ARPC2: variants seen among roughly 807,000 people sequenced by gnomAD.
ARPC2 encodes the protein actin related protein 2/3 complex subunit 2, also known as actin-related protein 2/3 complex subunit 2.
A neutral mutation model predicts 38.6 loss-of-function variants in ARPC2; 4 were observed. The ratio of observed to expected loss-of-function variants is 0.10; its 90% CI spans 0.05 to 0.24. ARPC2 has a LOEUF of 0.24. Among genes scored for constraint, ARPC2 ranks in the 10% least tolerant of loss-of-function variants. The pLI is 1.00. For synonymous variants in ARPC2, 125 were observed against 140.8 expected (o/e 0.89, Z 0.79); for missense variants, 229 against 387.3 (o/e 0.59, Z 3.43).
intron 5 of ARPC2, among the ~76,000 whole-genome samples, chr2:218,237,452 G>A (rs2106152996): frequency 6.6e-6 from 1 of 151,822 alleles, no homozygotes; most frequent in African/African-American, 2.4e-5. Context: ...ACCCACCTTG[G>A]CCTCCCAAAG....
intron 3 of ARPC2, among the ~76,000 whole-genome samples, 176 bp from the exon 4 acceptor site, chr2:218,228,562 C>T (rs181730559): frequency 6.6e-6 from 1 of 152,168 alleles, no homozygotes; most frequent in Non-Finnish European, 1.5e-5. Context: ...AACAAGTGCT[C>T]AGCAATTCTA....
At chr2:218,243,375 C>T (rs746609723) in intron 7 of ARPC2, among the ~76,000 whole-genome samples, 2 of 152,138 alleles carry the variant, frequency 1.3e-5, no homozygotes, top group South Asian at 4.1e-4. Context: ...TGCTTGATTA[C>T]GTATAACAAA....
At chr2:218,227,099 C>A (rs1689516294) in intron 3 of ARPC2, 1 of 449,090 alleles carries the variant, frequency 2.2e-6, no homozygotes, top group Non-Finnish European at 4.5e-6. Flanking sequence ...TACCTGGAGG[C>A]CAGGCACCAT....
At position 218,254,031 on chromosome 2, in the gene ARPC2, G is replaced by T. The variant is rs1690258823; in HGVS notation, c.*116G>T. On this transcript the variant is annotated 3_prime_UTR_variant, in exon 11 of 11. Coordinates refer to ENST00000315717, the MANE Select transcript of ARPC2 (RefSeq NM_152862.3). ...GGTTCTTAAGGGATTCTCCGTTTTG[G>T]TTCCATTTTGTACACGTTTGGAAAA... The T allele has an allele frequency of 2.1e-6, 3 of 1,401,154 alleles. No homozygotes were observed. Among genetic ancestry groups the T allele is most frequent in the Non-Finnish European group, 3.0e-6 (3 of 1,006,188 alleles). 86.8% of individuals were successfully genotyped at this position (1,401,154 alleles called of 1,614,324 possible). A position where few individuals can be genotyped will look rare whatever the true frequency, so the allele number is the denominator to read the frequency against.
chr2:218,224,142 G>A (rs530053131), intron 2 of ARPC2, among the ~76,000 whole-genome samples: 14 of 152,182 alleles, frequency 9.2e-5, no homozygotes, highest in Non-Finnish European at 1.5e-4. Flanking sequence ...ATCGATCGTA[G>A]CAACTTTTCC....
rs772187884 is a variant in ARPC2, at chr2:218,238,748, G to A, written c.353G>A (p.Arg118Gln). ...SIVHQAGMLK[R>Q]NCFASVFEKY... ...GTGCATCAAGCTGGCATGTTGAAGCGAAATTGTTTTGCCTCTGTCTTTGAA... is the reference window on the plus strand; with the variant it reads ...GTGCATCAAGCTGGCATGTTGAAGCAAAATTGTTTTGCCTCTGTCTTTGAA... Residue 118 changes from arginine to glutamine, a missense_variant, in exon 6 of 11, where the codon CGA (arginine) becomes CAA (glutamine). Arg to Gln is a conservative substitution (Grantham distance 43). This residue lies in a region of ARPC2 where 135 missense variants were observed against 214.1 expected (regional missense o/e 0.63). Coordinates refer to ENST00000315717, the MANE Select transcript of ARPC2 (RefSeq NM_152862.3). The A allele has an allele frequency of 6.2e-7, 1 of 1,613,930 alleles. No homozygotes were observed. The highest frequency in any genetic ancestry group is 8.5e-7 in the Non-Finnish European group (1 of 1,179,954).
chr2:218,219,870 G>T (rs192299279), intron 2 of ARPC2, among the ~76,000 whole-genome samples: 2 of 152,096 alleles, frequency 1.3e-5, no homozygotes, highest in Non-Finnish European at 2.9e-5. Flanking sequence ...TATTGTGCCT[G>T]GTAGGCAGGG....
chr2:218,242,630 G>A (rs1689941529), intron 7 of ARPC2, among the ~76,000 whole-genome samples: 1 of 152,206 alleles, frequency 6.6e-6, no homozygotes, highest in African/African-American at 2.4e-5. Context: ...ATGGAGAGGA[G>A]TGCCTGTTTT....
At chr2:218,237,931 A>C (rs1251280272) in intron 5 of ARPC2, among the ~76,000 whole-genome samples, 1 of 152,198 alleles carries the variant, frequency 6.6e-6, no homozygotes. Flanking sequence ...GACTCAAAAT[A>C]GAGTGCCCTA....
In ARPC2 at chr2:218,237,523, A is replaced by ATT. The variant is rs535177958; in HGVS notation, c.269-1127_269-1126dup. On this transcript the variant is annotated intron_variant, in intron 5 of 10. Transcript: ENST00000315717. ...CCACCCTACCTGCCCCCCACCACCAATTTTTTTTTTTTTTTAACAGATGAG... is the reference window on the plus strand; with the variant it reads ...CCACCCTACCTGCCCCCCACCACCAATTTTTTTTTTTTTTTTTAACAGATGAG... 4.2e-3 allele frequency among the ~76,000 whole-genome samples: 554 copies of ATT among 132,480 alleles called. 6 individuals are homozygous for ATT. Among genetic ancestry groups the ATT allele is most frequent in the Non-Finnish European group, 7.3e-3 (445 of 61,040 alleles). 86.9% of individuals were successfully genotyped at this position (132,480 alleles called of 152,430 possible).
chr2:218,217,351 C>T, intron 1 of ARPC2, 97 bp downstream of exon 1: 2 of 955,144 alleles, frequency 2.1e-6, no homozygotes, highest in African/African-American at 1.6e-5. Flanking sequence ...CCCTTCTCCC[C>T]TAACCTCCTA....
At chr2:218,245,595 C>T in intron 8 of ARPC2, 49 bp downstream of exon 8, 1 of 1,606,668 alleles carries the variant, frequency 6.2e-7, no homozygotes, top group African/African-American at 1.3e-5. Flanking sequence ...TGAGTTCACA[C>T]AGCAGAATAC....
chr2:218,241,456 A>T (rs1294454324), intron 7 of ARPC2, among the ~76,000 whole-genome samples: 2 of 152,232 alleles, frequency 1.3e-5, no homozygotes, highest in Non-Finnish European at 2.9e-5. Flanking sequence ...GAGGCATTTC[A>T]TGTGTTTTTA....
At chr2:218,227,230 G>A (rs1451085398) in intron 3 of ARPC2, 1 of 318,530 alleles carries the variant, frequency 3.1e-6, no homozygotes, top group East Asian at 7.9e-5. Context: ...CTAGTTTCAG[G>A]AATTACACAG....
chr2:218,254,137 A>C lies in ARPC2; in HGVS notation c.*222A>C, dbSNP rs1690261856. The C allele has an allele frequency of 1.9e-6, 1 of 531,702 alleles. No individual in the cohort carries two copies. Among genetic ancestry groups the C allele is most frequent in the East Asian group, 3.1e-5 (1 of 32,000 alleles). 32.9% of individuals were successfully genotyped at this position (531,702 alleles called of 1,614,324 possible). ...AAAAAAAAAAAAAGAATTCCACTTG[A>C]TCAACTTAATTCCTTTTCTTTATCT... On this transcript the variant is annotated 3_prime_UTR_variant, in exon 11 of 11. Transcript: ENST00000315717.
At chr2:218,242,680 G>C (rs1226008920) in intron 7 of ARPC2, among the ~76,000 whole-genome samples, 2 of 152,214 alleles carry the variant, frequency 1.3e-5, no homozygotes, top group Non-Finnish European at 2.9e-5. Flanking sequence ...CTCCTGATCT[G>C]ATAGGTTAAA....
Position 218,240,103 on chromosome 2 carries a change from C to T in ARPC2, c.549+619C>T, listed in dbSNP as rs567976672. On this transcript the variant is annotated intron_variant, in intron 7 of 10. Transcript: ENST00000315717. ...CCAAGTAGCTGGGATTACAGGCACG[C>T]GCCACCACGCCCAGCTAATTTTTGT... 7.9e-5 allele frequency among the ~76,000 whole-genome samples: 12 copies of T among 151,786 alleles called. No individual in the cohort carries two copies. The East Asian group carries it at 1.4e-3, about 17-fold the overall frequency.
intron 10 of ARPC2, among the ~76,000 whole-genome samples, chr2:218,253,267 A>G (rs1690237129): frequency 1.3e-5 from 2 of 152,198 alleles, no homozygotes; most frequent in South Asian, 2.1e-4. Context: ...ACTGTTAGGT[A>G]CCAGTTAGAG....
intron 8 of ARPC2, among the ~76,000 whole-genome samples, chr2:218,247,057 A>C (rs6752322): frequency 1 from 151,800 of 152,192 alleles, 75,707 homozygotes; most frequent in East Asian, 1. Flanking sequence ...CCCAGGAGGT[A>C]GAGGCTGCAG....
Sources: gnomAD v4.1 joint callset for allele counts (sites outside exome capture counted in the v4.1 genomes callset) on GRCh38, gnomAD v4.1.1 for gene constraint, gnomAD v4.1.1 regional missense constraint, MANE v1.5 for transcripts, NCBI Gene and HGNC (gene_info 2026-07-23, HGNC 2026-07-21) for gene names.